PCDH15: variants seen among roughly 807,000 people sequenced by gnomAD.
The protein encoded by PCDH15 is protocadherin-15.
A neutral mutation model predicts 178.5 loss-of-function variants in PCDH15; 129 were observed. That is an observed-to-expected ratio of 0.72 (90% CI 0.63 to 0.84). PCDH15 has a LOEUF of 0.84. Among genes scored for constraint, PCDH15 ranks in the 40% least tolerant of loss-of-function variants. PCDH15 has a pLI of 0.00. For synonymous variants in PCDH15, 800 were observed against 732.0 expected, an observed-to-expected ratio of 1.09 and a Z score of -1.50; for missense variants, 2,230 against 2,099.9, an observed-to-expected ratio of 1.06 and a Z score of -1.21.
At chr10:54,190,064 G>A (rs1201474824) in intron 11 of PCDH15, among the ~76,000 whole-genome samples, 2 of 149,976 alleles carry the variant, frequency 1.3e-5, no homozygotes, top group Non-Finnish European at 3.0e-5. Context: ...AATTCTTTCT[G>A]ACTTAAAATC....
chr10:54,333,468 C>G (rs1356852678), intron 6 of PCDH15, among the ~76,000 whole-genome samples: 1 of 151,062 alleles, frequency 6.6e-6, no homozygotes. Context: ...TTATGATAGT[C>G]TTCTTTTTCC....
intron 3 of PCDH15, chr10:54,864,689 G>A (rs1368534330): frequency 1.3e-5 from 2 of 152,204 alleles, no homozygotes; most frequent in Non-Finnish European, 1.5e-5. Context: ...GGTGGCAGTG[G>A]TGGGTAGGAT....
intron 18 of PCDH15, among the ~76,000 whole-genome samples, chr10:54,038,971 T>C (rs1327814359): frequency 6.6e-6 from 1 of 152,004 alleles, no homozygotes; most frequent in East Asian, 1.9e-4. Context: ...TTTGTCATTT[T>C]CCACCCCTGT....
intron 2 of PCDH15, among the ~76,000 whole-genome samples, chr10:54,616,313 A>C (rs762554579): frequency 1.3e-5 from 2 of 152,116 alleles, no homozygotes; most frequent in Non-Finnish European, 2.9e-5. Flanking sequence ...TACTGTCCTT[A>C]GATTTTCTAT....
At chr10:54,512,765 C>A (rs1031872938) in intron 3 of PCDH15, among the ~76,000 whole-genome samples, 1 of 151,996 alleles carries the variant, frequency 6.6e-6, no homozygotes, top group Non-Finnish European at 1.5e-5. Context: ...ATTTGACTTT[C>A]CATTATTTTC....
At chr10:55,029,972 G>T (rs10825442) in intron 2 of PCDH15, among the ~76,000 whole-genome samples, 4 of 151,792 alleles carry the variant, frequency 2.6e-5, no homozygotes, top group South Asian at 2.1e-4. Flanking sequence ...ATTTCAAAGA[G>T]GTGAATAAAA....
intron 1 of PCDH15, among the ~76,000 whole-genome samples, chr10:54,665,062 A>C (rs563150736): frequency 6.6e-6 from 1 of 152,012 alleles, no homozygotes; most frequent in African/African-American, 2.4e-5. Context: ...CTTGATTATA[A>C]ATTGTGGCAG....
chr10:55,405,288 A>ATATATATATATATATATATG lies in PCDH15; in HGVS notation c.-156+222336_-156+222337insCATATATATATATATATATA, dbSNP rs1259664247. Among the ~76,000 whole-genome samples, 3 of 140,882 alleles carry ATATATATATATATATATATG rather than the reference A, an allele frequency of 2.1e-5. 1 individual carries two copies. Among genetic ancestry groups the ATATATATATATATATATATG allele is most frequent in the Admixed American group, 2.1e-4 (3 of 14,090 alleles). 92.4% of individuals were successfully genotyped at this position (140,882 alleles called of 152,430 possible). On this transcript the variant is annotated intron_variant, in intron 2 of 5. Transcript: ENST00000613346. ...ATATGTAGTGTGAGGTAACAGATAT[A>ATATATATATATATATATATG]TATATATATATATATACAATTTAAT...
In PCDH15 at chr10:54,828,417, C is replaced by T. The variant is rs182785762; in HGVS notation, c.-29+69033G>A. On this transcript the variant is annotated intron_variant, in intron 3 of 5. Coordinates refer to the PCDH15 transcript ENST00000458638. ...TATAACTTCAATTTATGACCTTTAG[C>T]CATAGACTTGACTTCTGCTTAACTA... is the stretch of plus-strand genomic sequence containing the variant. 7.1e-4 allele frequency among the ~76,000 whole-genome samples: 108 copies of T among 151,934 alleles called. 1 individual carries two copies. Among genetic ancestry groups the T allele is most frequent in the Non-Finnish European group, 4.0e-4 (27 of 67,870 alleles).
intron 2 of PCDH15, among the ~76,000 whole-genome samples, chr10:54,639,483 A>G (rs2093943215): frequency 6.6e-6 from 1 of 152,164 alleles, no homozygotes; most frequent in South Asian, 2.1e-4. Flanking sequence ...AGAAAACTAC[A>G]TTCTAAAATT....
At chr10:54,072,317 G>A (rs1456286113) in intron 17 of PCDH15, among the ~76,000 whole-genome samples, 2 of 152,072 alleles carry the variant, frequency 1.3e-5, no homozygotes, top group African/African-American at 4.8e-5. Context: ...TCATCCTTAA[G>A]CGCAAGTCAT....
In PCDH15 at chr10:54,329,742, G is replaced by T. The variant is rs371494004; in HGVS notation, c.595-36C>A. On this transcript the variant is annotated intron_variant, in intron 6 of 37. Transcript: ENST00000644397. ...TAAAGATACAGACTTCAGATTATTT[G>T]AATGTAAGATGAATTAATAACTCAA... The T allele has an allele frequency of 5.4e-6, 7 of 1,298,820 alleles. No individual in the cohort carries two copies. The African/African-American group carries it at 7.3e-5, about 14-fold the overall frequency. The allele number at this position is 1,298,820 out of a possible 1,614,324, so 80.5% of individuals were successfully genotyped here. A position where few individuals can be genotyped will look rare whatever the true frequency, so the allele number is the denominator to read the frequency against.
Position 54,536,459 on chromosome 10 carries a change from C to A in PCDH15, c.92-8582G>T, listed in dbSNP as rs190103202. ...GGAAAACCACATTTTATTAGTAGAT[C>A]AAATAAGGAATGGGGCATATGTTAA... On this transcript the variant is annotated intron_variant, in intron 2 of 37. Coordinates refer to ENST00000644397, the MANE Select transcript of PCDH15 (RefSeq NM_001384140.1). Among the ~76,000 whole-genome samples the A allele has an allele frequency of 1.8e-4, 27 of 151,566 alleles. 1 individual carries two copies. In the East Asian group the frequency reaches 5.1e-3, roughly 28 times the overall value.
chr10:54,436,006 G>GAAAA (rs1565269988), intron 3 of PCDH15, among the ~76,000 whole-genome samples: 10 of 116,060 alleles, frequency 8.6e-5, no homozygotes, highest in African/African-American at 3.8e-4. Context: ...GAAAAGAAGA[G>GAAAA]GAGAGGAGAG....
At chr10:55,077,566 T>C (rs1405960023) in intron 2 of PCDH15, among the ~76,000 whole-genome samples, 1 of 151,720 alleles carries the variant, frequency 6.6e-6, no homozygotes, top group Admixed American at 6.6e-5. Context: ...CCTTCTTTCT[T>C]TGAGATGGAA....
intron 2 of PCDH15, among the ~76,000 whole-genome samples, chr10:54,573,640 C>G (rs1472026451): frequency 6.6e-6 from 1 of 152,110 alleles, no homozygotes; most frequent in African/African-American, 2.4e-5. Context: ...AATTTTACAG[C>G]CTTCATTAAT....
chr10:55,573,613 A>T (rs1165888695), intron 2 of PCDH15, among the ~76,000 whole-genome samples: 1 of 152,140 alleles, frequency 6.6e-6, no homozygotes, highest in Non-Finnish European at 1.5e-5. Context: ...TCTATTTCAA[A>T]GCTTTTGACA....
chr10:54,458,419 G>A (rs1486431148), intron 3 of PCDH15, among the ~76,000 whole-genome samples: 2 of 151,932 alleles, frequency 1.3e-5, no homozygotes, highest in African/African-American at 4.8e-5. Context: ...TAACTTAATG[G>A]CAGTTATCTT....
intron 2 of PCDH15, among the ~76,000 whole-genome samples, chr10:54,898,772 T>C (rs565095089): frequency 5.3e-5 from 8 of 152,146 alleles, no homozygotes; most frequent in Non-Finnish European, 8.8e-5. Flanking sequence ...AATATATAGA[T>C]AACATGTAGC....
Sources: allele counts gnomAD v4.1 joint callset (sites outside exome capture counted in the v4.1 genomes callset), GRCh38; gene constraint gnomAD v4.1.1; transcripts MANE v1.5; gene names NCBI Gene and HGNC (gene_info 2026-07-23, HGNC 2026-07-21).